ANKMY1: variants seen among roughly 807,000 people sequenced by gnomAD.
ANKMY1 encodes ankyrin repeat and MYND domain-containing protein 1.
In ANKMY1, 98 loss-of-function variants were observed where a neutral mutation model predicts 102.0. That is an observed-to-expected ratio of 0.96 (90% confidence interval 0.82 to 1.14). ANKMY1 has a LOEUF of 1.14. ANKMY1 is among the 50% of genes most tolerant of loss of function. The probability of loss-of-function intolerance (pLI) is 0.00; values close to 1 mark genes in which losing one functional copy is unlikely to be tolerated. For synonymous variants in ANKMY1, 582 were observed against 559.9 expected (o/e 1.04, Z -0.56); for missense variants, 1,330 against 1,347.6 (o/e 0.99, Z 0.20).
chr2:240,477,987 T>G (rs1401837754), downstream of ANKMY1, among the ~76,000 whole-genome samples: 2 of 152,160 alleles, frequency 1.3e-5, no homozygotes, highest in Non-Finnish European at 2.9e-5. Context: ...CATGTTAAAT[T>G]GTAATCCCCA....
Position 240,525,727 on chromosome 2 carries a change from G to A in ANKMY1, c.1293C>T (p.Ser431=), listed in dbSNP as rs2083230889. The change falls in exon 7 of 18, where the codon TCC becomes TCT. Residue 431 remains serine (S), a synonymous_variant. Transcript: ENST00000401804. ...TCCGTTCAGCAACATTGGGCTTGAA[G>A]GACTGGGCGGGGTAGTGGAGGAGGA... ...MCFLLHYPAQ[S]FKPNVAERTI... 3.1e-6 allele frequency: 5 copies of A among 1,614,170 alleles called. No individual in the cohort carries two copies. The Admixed American group carries it at 6.7e-5, about 22-fold the overall frequency.
intron 4 of ANKMY1, among the ~76,000 whole-genome samples, chr2:240,548,912 T>A (rs1033824354): frequency 6.6e-6 from 1 of 152,136 alleles, no homozygotes; most frequent in Non-Finnish European, 1.5e-5. Context: ...GGAGGAAGAA[T>A]CAATATCGTG....
At chr2:240,505,666 G>A (rs901300032) in intron 13 of ANKMY1, among the ~76,000 whole-genome samples, 1 of 152,146 alleles carries the variant, frequency 6.6e-6, no homozygotes, top group African/African-American at 2.4e-5. Flanking sequence ...GTGAGTCTAG[G>A]TGAGGGCTCA....
At chr2:240,536,572 A>G (rs1461273652) in intron 4 of ANKMY1, among the ~76,000 whole-genome samples, 1 of 152,246 alleles carries the variant, frequency 6.6e-6, no homozygotes, top group Non-Finnish European at 1.5e-5. Flanking sequence ...AAGAATTCAG[A>G]GATTCAAACC....
At chr2:240,516,426 T>G (rs2081230935) in intron 9 of ANKMY1, among the ~76,000 whole-genome samples, 1 of 152,224 alleles carries the variant, frequency 6.6e-6, no homozygotes, top group Non-Finnish European at 1.5e-5. Flanking sequence ...GTGTTTAACC[T>G]TCTCTAGGTT....
chr2:240,473,132 AAAAAAAAC>A, the ANKMY1 span, among the ~76,000 whole-genome samples: 1 of 150,336 alleles, frequency 6.7e-6, no homozygotes, highest in African/African-American at 2.4e-5. Flanking sequence ...CTAAAAAAAA[AAAAAAAAC>A]AAAAAAAACC....
chr2:240,560,073 G>A (rs1187562014), upstream of ANKMY1: 2 of 152,342 alleles, frequency 1.3e-5, no homozygotes, highest in African/African-American at 4.8e-5. Context: ...AAGAAGTGAT[G>A]AAAATAGAAA....
At chr2:240,535,580 G>A (rs975380734) in intron 4 of ANKMY1, among the ~76,000 whole-genome samples, 1 of 152,216 alleles carries the variant, frequency 6.6e-6, no homozygotes, top group African/African-American at 2.4e-5. Flanking sequence ...TTCAAGGTAT[G>A]ACAAGGAAAT....
intron 4 of ANKMY1, among the ~76,000 whole-genome samples, chr2:240,530,363 G>A (rs904828331): frequency 1.4e-4 from 22 of 152,308 alleles, no homozygotes; most frequent in African/African-American, 5.3e-4. Context: ...TCACAGGGGT[G>A]TGTCCTTCAT....
At chr2:240,535,677 C>G (rs888361995) in intron 4 of ANKMY1, among the ~76,000 whole-genome samples, 7 of 152,162 alleles carry the variant, frequency 4.6e-5, no homozygotes, top group South Asian at 2.1e-4. Context: ...TAGGGTCAAA[C>G]AAAACCCATC....
chr2:240,527,908 A>C (rs1232448513), intron 5 of ANKMY1: 5 of 152,212 alleles, frequency 3.3e-5, no homozygotes, highest in East Asian at 1.9e-4. Context: ...TTCTCAGAAA[A>C]TATGCATTCT....
rs142973511 is a variant in ANKMY1 at position 240,511,950 on chromosome 2, G to C, written c.2197C>G (p.Gln733Glu). 1.6e-4 allele frequency: 244 copies of C among 1,569,580 alleles called. 1 individual carries two copies. The highest frequency in any genetic ancestry group is 1.0e-3 in the Middle Eastern group (6 of 5,944). Residue 733 changes from glutamine (Q) to glutamate (E), a missense_variant, in exon 11 of 18, where the codon CAA becomes GAA. Gln to Glu is a conservative substitution (Grantham distance 29). Coordinates refer to ENST00000401804, the MANE Select transcript of ANKMY1 (RefSeq NM_001282771.3). ...LKLSNEPGPP[Q>E]AYYSTDTALP... ...GCTGTGTCCGTGCTGTAGTAGGCTT[G>C]GGGAGGGCCTGGCTCATTGCTGAGC...
intron 15 of ANKMY1, among the ~76,000 whole-genome samples, chr2:240,489,038 C>A (rs1443965365): frequency 6.6e-6 from 1 of 152,144 alleles, no homozygotes; most frequent in Non-Finnish European, 1.5e-5. Flanking sequence ...GCAACCTTGT[C>A]TTATTACAGT....
At chr2:240,547,098 C>G (rs1324365399) in intron 4 of ANKMY1, among the ~76,000 whole-genome samples, 1 of 151,986 alleles carries the variant, frequency 6.6e-6, no homozygotes, top group Non-Finnish European at 1.5e-5. Flanking sequence ...CAAAATTGAC[C>G]ACATACTTGG....
At chr2:240,513,092 G>T in intron 9 of ANKMY1, 150 bp from the exon 10 acceptor site, 4 of 1,151,318 alleles carry the variant, frequency 3.5e-6, no homozygotes, top group South Asian at 1.6e-5. Flanking sequence ...GCAGGCTACT[G>T]GTCCCTGAAG....
At chr2:240,532,847 G>A (rs1167697637) in intron 4 of ANKMY1, among the ~76,000 whole-genome samples, 3 of 152,154 alleles carry the variant, frequency 2.0e-5, no homozygotes, top group Non-Finnish European at 4.4e-5. Flanking sequence ...TAGGACTACA[G>A]GTGCACGCCA....
intron 4 of ANKMY1, among the ~76,000 whole-genome samples, chr2:240,540,560 C>G (rs553481359): frequency 4.6e-5 from 7 of 152,250 alleles, no homozygotes; most frequent in African/African-American, 1.4e-4. Flanking sequence ...GCTTCCTTAC[C>G]CCTCCTGAGT....
intron 4 of ANKMY1, among the ~76,000 whole-genome samples, chr2:240,541,566 C>T (rs2088825203): frequency 6.7e-6 from 1 of 149,374 alleles, no homozygotes; most frequent in Admixed American, 6.7e-5. Flanking sequence ...GCAATGGCGC[C>T]ATCTCAACTC....
At chr2:240,477,304 G>A (rs1241761126), downstream of ANKMY1, among the ~76,000 whole-genome samples, 1 of 152,150 alleles carries the variant, frequency 6.6e-6, no homozygotes, top group Non-Finnish European at 1.5e-5. Context: ...TAACAAGAGA[G>A]AAACTCTGTC....
Sources: gnomAD v4.1 joint callset for allele counts (sites outside exome capture counted in the v4.1 genomes callset) on GRCh38, gnomAD v4.1.1 for gene constraint, MANE v1.5 for transcripts, NCBI Gene and HGNC (gene_info 2026-07-23, HGNC 2026-07-21) for gene names.